The following ERAP2 variants were observed in gnomAD, a reference collection of about 807,000 sequenced individuals.
ERAP2 encodes the protein endoplasmic reticulum aminopeptidase 2.
Under a neutral mutation model 111.1 loss-of-function variants are expected in ERAP2, and 118 were observed. That is an observed-to-expected ratio of 1.06 (90% CI 0.92 to 1.24). ERAP2 has a LOEUF of 1.24. Ranked by LOEUF, ERAP2 falls within the 50% of genes most tolerant of loss-of-function variation. ERAP2 has a pLI of 0.00. For synonymous variants in ERAP2, 410 were observed against 401.2 expected (o/e 1.02, Z -0.26); for missense variants, 1,131 against 1,125.8 (o/e 1.00, Z -0.07).
chr5:96,883,320 A>G, intron 2 of ERAP2, among the ~76,000 whole-genome samples: 1 of 152,140 alleles, frequency 6.6e-6, no homozygotes, highest in Non-Finnish European at 1.5e-5. Flanking sequence ...GATGTTCTCA[A>G]TAAGTCAGGA....
intron 6 of ERAP2, among the ~76,000 whole-genome samples, chr5:96,893,893 C>A (rs1408623192): frequency 6.6e-6 from 1 of 152,202 alleles, no homozygotes; most frequent in African/African-American, 2.4e-5. Flanking sequence ...CTGCCATTTT[C>A]TGAACATGCC....
chr5:96,885,464 T>C (rs886609476), intron 3 of ERAP2, among the ~76,000 whole-genome samples: 1 of 152,226 alleles, frequency 6.6e-6, no homozygotes, highest in Admixed American at 6.5e-5. Flanking sequence ...TATCAGTACC[T>C]TCCTCTTTAT....
At chr5:96,876,456 TG>T (rs1782537034), upstream of ERAP2, 1 of 152,382 alleles carries the variant, frequency 6.6e-6, no homozygotes, top group African/African-American at 2.4e-5. Context: ...TGCAAAGTTC[TG>T]AATCTTAGAA....
intron 13 of ERAP2, among the ~76,000 whole-genome samples, chr5:96,906,285 CTCT>C (rs1424827577): frequency 6.6e-6 from 1 of 151,446 alleles, no homozygotes; most frequent in Non-Finnish European, 1.5e-5. Context: ...AAGGGCTTTG[CTCT>C]TCTTCTTCAA....
intron 2 of ERAP2, among the ~76,000 whole-genome samples, chr5:96,882,681 A>T (rs1783276229): frequency 6.6e-6 from 1 of 152,154 alleles, no homozygotes; most frequent in Admixed American, 6.5e-5. Flanking sequence ...TGTGAGTGAA[A>T]ATTATTCCAG....
At chr5:96,897,664 G>C (rs1007155028) in intron 9 of ERAP2, among the ~76,000 whole-genome samples, 1 of 152,006 alleles carries the variant, frequency 6.6e-6, no homozygotes, top group Non-Finnish European at 1.5e-5. Context: ...AATAGGAAAG[G>C]CAAAGCAGAA....
intron 6 of ERAP2, among the ~76,000 whole-genome samples, chr5:96,894,294 T>C (rs1369266083): frequency 3.3e-5 from 5 of 152,212 alleles, no homozygotes; most frequent in Admixed American, 6.5e-5. Flanking sequence ...AGGAAACACC[T>C]CTCCCTTTCC....
At chr5:96,884,594 G>A (rs1231891506) in intron 3 of ERAP2, among the ~76,000 whole-genome samples, 1 of 152,010 alleles carries the variant, frequency 6.6e-6, no homozygotes, top group Non-Finnish European at 1.5e-5. Context: ...GTCTCTCTCT[G>A]TTGCCCAGGT....
intron 1 of ERAP2, among the ~76,000 whole-genome samples, chr5:96,877,077 C>T (rs968218): frequency 0.52 from 79,515 of 152,024 alleles, 20,979 homozygotes; most frequent in South Asian, 0.61. Context: ...CTGGTTCAAG[C>T]GATTCTCGTG....
In ERAP2 at chr5:96,917,572, G is replaced by T; in HGVS notation, c.2850G>T (p.Pro950=). 6.2e-7 allele frequency: 1 copy of T among 1,613,414 alleles called. No individual in the cohort carries two copies. The highest frequency in any genetic ancestry group is 8.5e-7 in the Non-Finnish European group (1 of 1,179,648). ...TAAAATGGCTGGAGAAGAATCTTCC[G>T]ACTCTGAGGACTTGGCTAATGGTTA... ...KNIKWLEKNL[P]TLRTWLMVNT is the part of the protein sequence containing the mutation. Residue 950 remains proline, a synonymous_variant, in exon 19 of 19, where the codon CCG becomes CCT. Transcript: ENST00000437043.
intron 13 of ERAP2, 33 bp downstream of exon 13, chr5:96,903,593 A>G (rs887744929): frequency 1.3e-6 from 2 of 1,550,438 alleles, no homozygotes; most frequent in Non-Finnish European, 8.7e-7. Context: ...TTCATGCAAA[A>G]TAACTGATTC....
Position 96,879,943 on chromosome 5 carries a change from C to T in ERAP2, c.258C>T (p.Leu86=). ...LHYDLFVHPN[L]TSLDFVASEK... is the part of the protein sequence containing the mutation. Reference sequence around the variant, plus strand: ...ATGACCTCTTTGTCCACCCCAATCTCACCTCTCTGGACTTTGTTGCATCTG... The same window carrying T: ...ATGACCTCTTTGTCCACCCCAATCTTACCTCTCTGGACTTTGTTGCATCTG... Residue 86 remains leucine, a synonymous_variant, in exon 2 of 19, where the codon CTC becomes CTT. Coordinates refer to ENST00000437043, the MANE Select transcript of ERAP2 (RefSeq NM_022350.5). The T allele has an allele frequency of 3.1e-6, 5 of 1,614,174 alleles. No homozygotes were observed. The highest frequency in any genetic ancestry group is 4.5e-5 in the East Asian group (2 of 44,888).
Position 96,892,185 on chromosome 5 carries a change from T to A in ERAP2, c.971-114T>A, listed in dbSNP as rs1055135781. On this transcript the variant is annotated intron_variant, in intron 5 of 18. Transcript: ENST00000437043. ...CAATGTTAAGATATTCTTGATGTTT[T>A]CAAAAAGTCTGCTTAAATATGCTTA... is the stretch of plus-strand genomic sequence containing the variant. 10 of 1,071,026 alleles carry A rather than the reference T, an allele frequency of 9.3e-6. No homozygotes were observed. In the African/African-American group the frequency reaches 1.4e-4, roughly 15 times the overall value. The allele number at this position is 1,071,026 out of a possible 1,614,324, so 66.3% of individuals were successfully genotyped here.
chr5:96,887,596 G>A (rs770664876), intron 4 of ERAP2, among the ~76,000 whole-genome samples: 41 of 152,068 alleles, frequency 2.7e-4, no homozygotes, highest in African/African-American at 7.7e-4. Flanking sequence ...CACCGTGCCC[G>A]ACAGTTTCCA....
chr5:96,890,107 C>T (rs1784180610), intron 5 of ERAP2, among the ~76,000 whole-genome samples: 1 of 152,234 alleles, frequency 6.6e-6, no homozygotes, highest in Middle Eastern at 3.4e-3. Flanking sequence ...AGATGATACT[C>T]ATAGTCTATC....
chr5:96,900,227 T>G (rs1391057446), intron 10 of ERAP2, 38 bp downstream of exon 10: 1 of 1,612,054 alleles, frequency 6.2e-7, no homozygotes, highest in East Asian at 2.2e-5. Flanking sequence ...AAGAGATCTG[T>G]GGAATAGCCT....
chr5:96,914,148 T>TCACACACACACACACACACACACACA (rs1554061288), intron 17 of ERAP2, among the ~76,000 whole-genome samples: 85 of 148,076 alleles, frequency 5.7e-4, no homozygotes, highest in African/African-American at 1.9e-3. Flanking sequence ...TCTCTCTCTC[T>TCACACACACACACACACACACACACA]CACACACACA....
At chr5:96,900,026 G>C (rs1385199143) in intron 9 of ERAP2, 95 bp from the exon 10 acceptor site, 1 of 1,376,804 alleles carries the variant, frequency 7.3e-7, no homozygotes, top group African/African-American at 1.4e-5. Flanking sequence ...ATTTCATATA[G>C]CTCTTTTAAT....
chr5:96,917,297 T>G (rs920487944), intron 18 of ERAP2, among the ~76,000 whole-genome samples, 165 bp from the exon 19 acceptor site: 7 of 152,072 alleles, frequency 4.6e-5, no homozygotes, highest in Non-Finnish European at 8.8e-5. Flanking sequence ...TGTTGTTATT[T>G]TTTGTAGAGT....
Sources: allele counts gnomAD v4.1 joint callset (sites outside exome capture counted in the v4.1 genomes callset), GRCh38; gene constraint gnomAD v4.1.1; transcripts MANE v1.5; gene names NCBI Gene and HGNC (gene_info 2026-07-23, HGNC 2026-07-21).